Variants in ZNF84 observed in about 807,000 individuals in gnomAD.
ZNF84 encodes zinc finger protein HPF2.
In ZNF84, 12 loss-of-function variants were observed where a neutral mutation model predicts 14.8. The observed-to-expected ratio is 0.81, with a 90% confidence interval of 0.52 to 1.31. The LOEUF (loss-of-function observed/expected upper bound fraction) is 1.31, where lower values mean the gene tolerates loss of function less well. Among genes scored for constraint, ZNF84 ranks in the 50% most tolerant of loss-of-function variants. The pLI is 0.00. For synonymous variants in ZNF84, 347 were observed against 291.1 expected, an observed-to-expected ratio of 1.19 and a Z score of -1.96; for missense variants, 859 against 878.6, an observed-to-expected ratio of 0.98 and a Z score of 0.28.
At chr12:133,054,304 G>A (rs2137402037) in intron 4 of ZNF84, among the ~76,000 whole-genome samples, 1 of 152,286 alleles carries the variant, frequency 6.6e-6, no homozygotes, top group East Asian at 1.9e-4. Context: ...AGGATCTCTT[G>A]AGCCTGGGAG....
chr12:133,057,740 C>T lies in ZNF84; in HGVS notation c.1025C>T (p.Thr342Ile), dbSNP rs1954186197. The change falls in exon 5 of 5, where the codon ACC becomes ATC. Residue 342 changes from threonine (T) to isoleucine (I), a missense_variant. Physicochemically the swap from Thr to Ile is moderately conservative, Grantham distance 89. Transcript: ENST00000539354. ...SNLINHQRIH[T>I]GEKPFECREC... Reference sequence around the variant, plus strand: ...CTCATTAACCATCAGAGAATTCATACCGGTGAGAAGCCTTTTGAATGCAGG... The same window carrying T: ...CTCATTAACCATCAGAGAATTCATATCGGTGAGAAGCCTTTTGAATGCAGG... 6.2e-7 allele frequency: 1 copy of T among 1,613,930 alleles called. No individual in the cohort carries two copies. Among genetic ancestry groups the T allele is most frequent in the Non-Finnish European group, 8.5e-7 (1 of 1,180,020 alleles).
At chr12:133,052,274 G>A (rs1954083201) in intron 4 of ZNF84, among the ~76,000 whole-genome samples, 2 of 152,196 alleles carry the variant, frequency 1.3e-5, no homozygotes, top group South Asian at 2.1e-4. Flanking sequence ...CTCTCACTAT[G>A]TGTTCACATG....
At chr12:133,053,682 G>T (rs1954106564) in intron 4 of ZNF84, among the ~76,000 whole-genome samples, 1 of 151,710 alleles carries the variant, frequency 6.6e-6, no homozygotes, top group Admixed American at 6.6e-5. Flanking sequence ...GTTCAAGGCT[G>T]CAGTGAGCTA....
intron 4 of ZNF84, among the ~76,000 whole-genome samples, chr12:133,052,248 C>G (rs1246274154): frequency 6.6e-6 from 1 of 152,198 alleles, no homozygotes; most frequent in Non-Finnish European, 1.5e-5. Flanking sequence ...GTCTTCCTGC[C>G]TTGTGGACAG....
intron 2 of ZNF84, among the ~76,000 whole-genome samples, chr12:133,046,979 A>G (rs1013141198): frequency 3.4e-5 from 5 of 144,994 alleles, no homozygotes; most frequent in Non-Finnish European, 4.5e-5. Flanking sequence ...TTATTTATAT[A>G]TATATATAAT....
Position 133,048,066 on chromosome 12 carries a change from A to G in ZNF84, c.127A>G (p.Ser43Gly). The G allele has an allele frequency of 1.2e-6, 2 of 1,613,752 alleles. No homozygotes were observed. The highest frequency in any genetic ancestry group is 3.3e-5 in the Admixed American group (2 of 60,018). ...GGATGTGATGTTGGAGAACTATAGC[A>G]GCCTAGTGTCACTGGGTAATAAAAG... ...YKDVMLENYSSLVSLGYEVMK... is the reference protein window; with the variant it reads ...YKDVMLENYSGLVSLGYEVMK... The change falls in exon 3 of 5, where the codon AGC (serine) becomes GGC (glycine). Residue 43 changes from serine (S) to glycine (G), a missense_variant. Physicochemically the swap from Ser to Gly is moderately conservative, Grantham distance 56. Transcript: ENST00000539354.
chr12:133,058,412 C>T lies in ZNF84; in HGVS notation c.1697C>T (p.Thr566Ile). ...SSLATHQRTH[T>I]GEKPYECRDC... ...CTTGCAACTCATCAGAGAACTCATA[C>T]TGGAGAAAAACCGTATGAATGCAGG... Residue 566 changes from threonine to isoleucine, a missense_variant, in exon 5 of 5, where the codon ACT (threonine) becomes ATT (isoleucine). Coordinates refer to ENST00000539354, the MANE Select transcript of ZNF84 (RefSeq NM_001289971.2). The T allele has an allele frequency of 2.5e-6, 4 of 1,614,040 alleles. No homozygotes were observed. The highest frequency in any genetic ancestry group is 2.5e-6 in the Non-Finnish European group (3 of 1,179,984).
chr12:133,054,803 C>CT (rs1360128840), intron 4 of ZNF84, among the ~76,000 whole-genome samples: 6 of 151,900 alleles, frequency 3.9e-5, no homozygotes, highest in African/African-American at 7.3e-5. Context: ...ACTTTAAACT[C>CT]TTAGGTATTA....
intron 1 of ZNF84, chr12:133,037,779 G>T (rs1170038456): frequency 6.6e-6 from 1 of 152,326 alleles, no homozygotes; most frequent in Non-Finnish European, 1.5e-5. Flanking sequence ...GCCGCTCCTG[G>T]GCGTCCTTTC....
chr12:133,056,930 A>G, intron 4 of ZNF84, 24 bp from the exon 5 acceptor site: 1 of 1,534,550 alleles, frequency 6.5e-7, no homozygotes, highest in Non-Finnish European at 8.7e-7. Context: ...ACAACCAAAC[A>G]GATTGTTTTT....
chr12:133,045,816 A>G (rs1953969880), intron 2 of ZNF84, among the ~76,000 whole-genome samples: 1 of 152,094 alleles, frequency 6.6e-6, no homozygotes, highest in African/African-American at 2.4e-5. Context: ...GTTTTACAGA[A>G]TATTCAGCTA....
At position 133,041,493 on chromosome 12, in the gene ZNF84, T is replaced by G. The variant is rs1953888185; in HGVS notation, c.15+11T>G. 4 of 1,613,812 alleles carry G rather than the reference T, an allele frequency of 2.5e-6. No individual in the cohort carries two copies. In the African/African-American group the frequency reaches 4.0e-5, roughly 16 times the overall value. ...ATGACCATGTTACAGGTGAGTTGAT[T>G]GTTGAGTTCTTATTTTTTCCCAGGG... On this transcript the variant is annotated intron_variant, in intron 2 of 4. Transcript: ENST00000539354.
intron 2 of ZNF84, among the ~76,000 whole-genome samples, chr12:133,042,079 G>A (rs1376123673): frequency 3.3e-5 from 5 of 152,102 alleles, no homozygotes; most frequent in Non-Finnish European, 7.4e-5. Flanking sequence ...TCATCCCTTG[G>A]TCCAGCAGAT....
rs1168186557 is a variant in ZNF84, at chr12:133,058,855, A to G, written c.2140A>G (p.Ile714Val). Residue 714 changes from isoleucine to valine, a missense_variant, in exon 5 of 5, where the codon ATT becomes GTT. Physicochemically the swap from Ile to Val is conservative, Grantham distance 29 (BLOSUM62 3). Coordinates refer to ENST00000539354, the MANE Select transcript of ZNF84 (RefSeq NM_001289971.2). ...TACAGGAGAGAAGCCTTATCGATGC[A>G]TTGAATGTGGGAAAGCTTTCTCACA... ...IHTGEKPYRC[I>V]ECGKAFSQKS... is the part of the protein sequence containing the mutation. The G allele has an allele frequency of 1.2e-6, 2 of 1,613,790 alleles. No homozygotes were observed. Among genetic ancestry groups the G allele is most frequent in the African/African-American group, 2.7e-5 (2 of 74,936 alleles).
In ZNF84 at chr12:133,060,134, T is replaced by G. The variant is rs1297090688; in HGVS notation, c.*1202T>G. 3 of 152,208 alleles carry G rather than the reference T, an allele frequency of 2.0e-5. No individual in the cohort carries two copies. Among genetic ancestry groups the G allele is most frequent in the Non-Finnish European group, 4.4e-5 (3 of 68,026 alleles). 9.4% of individuals were successfully genotyped at this position (152,208 alleles called of 1,614,324 possible). ...CCTCCATATAGTATATATATATGTA[T>G]CTTAAGTGATATGTAACCCAAATGT... On this transcript the variant is annotated 3_prime_UTR_variant, in exon 5 of 5. Transcript: ENST00000539354.
Position 133,058,260 on chromosome 12 carries a change from T to C in ZNF84, c.1545T>C (p.Tyr515=). 17 of 1,614,052 alleles carry C rather than the reference T, an allele frequency of 1.1e-5. No individual in the cohort carries two copies. The highest frequency in any genetic ancestry group is 1.4e-5 in the Non-Finnish European group (17 of 1,180,006). Residue 515 remains tyrosine (Y), a synonymous_variant, in exon 5 of 5, where the codon TAT becomes TAC. Coordinates refer to ENST00000539354, the MANE Select transcript of ZNF84 (RefSeq NM_001289971.2). The part of the protein sequence containing the change: ...HQRIHTGEKP[Y]VCSECGKAFC... The stretch of plus-strand genomic sequence containing the variant: ...GAATTCATACAGGAGAAAAACCATA[T>C]GTATGCAGTGAATGTGGGAAAGCCT...
chr12:133,038,801 T>C (rs1422478366), intron 1 of ZNF84: 1 of 152,214 alleles, frequency 6.6e-6, no homozygotes, highest in Non-Finnish European at 1.5e-5. Context: ...TTCCTACATA[T>C]TTTATGTATT....
intron 2 of ZNF84, among the ~76,000 whole-genome samples, chr12:133,043,991 T>A (rs1953933852): frequency 1.3e-5 from 2 of 151,816 alleles, no homozygotes; most frequent in Non-Finnish European, 2.9e-5. Flanking sequence ...CTTGAACTCC[T>A]GACCTTGTGA....
chr12:133,048,985 G>A, intron 4 of ZNF84, 137 bp downstream of exon 4: 1 of 634,078 alleles, frequency 1.6e-6, no homozygotes, highest in Non-Finnish European at 2.7e-6. Flanking sequence ...GCTGGTCATT[G>A]ATGGGTTGGC....
Sources: gnomAD v4.1 joint callset for allele counts (sites outside exome capture counted in the v4.1 genomes callset) on GRCh38, gnomAD v4.1.1 for gene constraint, MANE v1.5 for transcripts, NCBI Gene and HGNC (gene_info 2026-07-23, HGNC 2026-07-21) for gene names.